RPS6KB2: variants seen among roughly 807,000 people sequenced by gnomAD.
RPS6KB2 encodes ribosomal protein S6 kinase B2.
Under a neutral mutation model 58.2 loss-of-function variants are expected in RPS6KB2, and 51 were observed. The ratio of observed to expected loss-of-function variants is 0.88; its 90% CI spans 0.70 to 1.11. The LOEUF (loss-of-function observed/expected upper bound fraction) is 1.11. Among genes scored for constraint, RPS6KB2 ranks in the 50% least tolerant of loss-of-function variants. RPS6KB2 has a pLI of 0.00. For synonymous variants in RPS6KB2, 293 were observed against 258.6 expected (o/e 1.13, Z -1.28); for missense variants, 671 against 655.8 (o/e 1.02, Z -0.25).
Position 67,434,591 on chromosome 11 carries a change from T to A in RPS6KB2, c.1165T>A (p.Tyr389Asn). Residue 389 changes from tyrosine (Y) to asparagine (N), a missense_variant, in exon 14 of 15, where the codon TAC (tyrosine) becomes AAC (asparagine). Physicochemically the swap from Tyr to Asn is moderately radical, Grantham distance 143 (BLOSUM62 -2). Transcript: ENST00000312629. ...TGCCTCCGCCCCCCAGGGCTTCACA[T>A]ACGTGGCGCCGTCTGTCCTGGACAG... is the stretch of plus-strand genomic sequence containing the variant. Reference protein sequence around the residue: ...SANQAFLGFTYVAPSVLDSIK... With the variant: ...SANQAFLGFTNVAPSVLDSIK... The A allele has an allele frequency of 6.2e-7, 1 of 1,605,774 alleles. No homozygotes were observed. Among genetic ancestry groups the A allele is most frequent in the Middle Eastern group, 1.7e-4 (1 of 6,056 alleles).
rs529912361 is a variant in RPS6KB2, at chr11:67,434,662, G to C, written c.1236G>C (p.Arg412Ser). ...FSFQPKLRSP[R>S]RLNSSPRAPV... ...TCCAGCCCAAGCTGCGCTCACCCAG[G>C]CGCCTCAACAGTAGCCCCCGGGCCC... is the stretch of plus-strand genomic sequence containing the variant. The change falls in exon 14 of 15, where the codon AGG (arginine) becomes AGC (serine). Residue 412 changes from arginine to serine, a missense_variant. Physicochemically the swap from Arg to Ser is moderately radical, Grantham distance 110. Coordinates refer to ENST00000312629, the MANE Select transcript of RPS6KB2 (RefSeq NM_003952.3). 6.2e-7 allele frequency: 1 copy of C among 1,610,512 alleles called. No individual in the cohort carries two copies. The highest frequency in any genetic ancestry group is 1.7e-5 in the Admixed American group (1 of 59,684).
At position 67,432,789 on chromosome 11, in the gene RPS6KB2, A is replaced by G. The variant is rs1309442509; in HGVS notation, c.568A>G (p.Ile190Val). 6.2e-7 allele frequency: 1 copy of G among 1,614,082 alleles called. No individual in the cohort carries two copies. The part of the protein sequence containing the change: ...LALGHLHSQG[I>V]IYRDLKPENI... ...CCTGGGCCATCTCCACTCCCAGGGC[A>G]TCATCTACCGGGACCTCAAGCCCGA... The change falls in exon 7 of 15, where the codon ATC becomes GTC. Residue 190 changes from isoleucine to valine, a missense_variant. Transcript: ENST00000312629.
intron 5 of RPS6KB2, 111 bp downstream of exon 5, chr11:67,431,626 G>C: frequency 8.9e-7 from 1 of 1,117,330 alleles, no homozygotes; most frequent in Non-Finnish European, 1.3e-6. Flanking sequence ...GGGTTGGCTA[G>C]GGGGCCCCCA....
chr11:67,430,353 A>G (rs903456992), intron 4 of RPS6KB2: 2 of 151,498 alleles, frequency 1.3e-5, no homozygotes, highest in Non-Finnish European at 2.9e-5. Flanking sequence ...CAGTGGTGCG[A>G]TCTCGGCTCA....
chr11:67,428,995 T>G lies in RPS6KB2; in HGVS notation c.92T>G (p.Leu31Arg). Residue 31 changes from leucine to arginine, a missense_variant, in exon 2 of 15, where the codon CTT becomes CGT. By Grantham distance (102) the Leu-to-Arg change is moderately radical. Coordinates refer to ENST00000312629, the MANE Select transcript of RPS6KB2 (RefSeq NM_003952.3). ...PELSPADACP[L>R]AELRAAGLEP... Reference sequence around the variant, plus strand: ...GGTTTCTCACAGGACGCATGTCCCCTTGCCGAGTTGAGGGCAGCTGGCCTA... The same window carrying G: ...GGTTTCTCACAGGACGCATGTCCCCGTGCCGAGTTGAGGGCAGCTGGCCTA... The G allele has an allele frequency of 1.2e-6, 2 of 1,614,048 alleles. No homozygotes were observed. The highest frequency in any genetic ancestry group is 4.5e-5 in the East Asian group (2 of 44,878).
chr11:67,433,126 G>A lies in RPS6KB2; in HGVS notation c.708G>A (p.Met236Ile). ...THTFCGTIEY[M>I]APEILVRSGH... ...ACTGACAGTTCCACCTGGACCCCAGGGCCCCTGAGATTCTGGTGCGCAGTG... is the reference window on the plus strand; with the variant it reads ...ACTGACAGTTCCACCTGGACCCCAGAGCCCCTGAGATTCTGGTGCGCAGTG... The change falls in exon 9 of 15, where the codon ATG becomes ATA. Residue 236 changes from methionine to isoleucine, a missense_variant and splice_region_variant. Transcript: ENST00000312629. 6.2e-7 allele frequency: 1 copy of A among 1,604,744 alleles called. No homozygotes were observed. Among genetic ancestry groups the A allele is most frequent in the Non-Finnish European group, 8.5e-7 (1 of 1,176,472 alleles).
At chr11:67,429,391 A>G (rs1052759402) in intron 3 of RPS6KB2, 136 bp from the exon 4 acceptor site, 103 of 1,366,968 alleles carry the variant, frequency 7.5e-5, no homozygotes, top group Admixed American at 2.0e-4. Context: ...ATCCTCTCCA[A>G]TCGGACTTGA....
intron 10 of RPS6KB2, 43 bp from the exon 11 acceptor site, chr11:67,433,946 ACATGAG>A: frequency 6.2e-7 from 1 of 1,606,482 alleles, no homozygotes; most frequent in Non-Finnish European, 8.5e-7. Context: ...ACCCGGGGAC[ACATGAG>A]CAGTACTTGC....
intron 1 of RPS6KB2, 91 bp downstream of exon 1, chr11:67,428,714 G>C: frequency 2.3e-6 from 3 of 1,277,838 alleles, no homozygotes; most frequent in Non-Finnish European, 3.3e-6. Context: ...CCCAGAGCGG[G>C]CTCCGACTCT....
Position 67,431,498 on chromosome 11 carries a change from T to C in RPS6KB2, c.440T>C (p.Ile147Thr). The change falls in exon 5 of 15, where the codon ATC becomes ACC. Residue 147 changes from isoleucine (I) to threonine (T), a missense_variant. Transcript: ENST00000312629. The stretch of plus-strand genomic sequence containing the variant: ...CAGACTGGTGGCAAACTCTACCTCA[T>C]CCTTGAGTGCCTCAGTGGTATGAGT... ...AFQTGGKLYL[I>T]LECLSGGELF... 1 of 1,613,884 alleles carries C rather than the reference T, an allele frequency of 6.2e-7. No homozygotes were observed.
At chr11:67,429,427 G>A (rs1372520480) in intron 3 of RPS6KB2, 100 bp from the exon 4 acceptor site, 1 of 1,384,626 alleles carries the variant, frequency 7.2e-7, no homozygotes, top group Non-Finnish European at 1.0e-6. Flanking sequence ...ACCCTTGGCA[G>A]GGCCTAGGCC....
intron 10 of RPS6KB2, 58 bp downstream of exon 10, chr11:67,433,505 A>G (rs1864120529): frequency 7.4e-7 from 1 of 1,356,226 alleles, no homozygotes; most frequent in African/African-American, 1.4e-5. Flanking sequence ...CGTGTTCCTG[A>G]GTCTCTCTGG....
rs375271576 is a variant in RPS6KB2 at position 67,433,174 on chromosome 11, G to T, written c.756G>T (p.Trp252Cys). 1 of 1,605,478 alleles carries T rather than the reference G, an allele frequency of 6.2e-7. No individual in the cohort carries two copies. The change falls in exon 9 of 15, where the codon TGG (tryptophan) becomes TGT (cysteine). Residue 252 changes from tryptophan (W) to cysteine (C), a missense_variant. Physicochemically the swap from Trp to Cys is radical, Grantham distance 215. Coordinates refer to ENST00000312629, the MANE Select transcript of RPS6KB2 (RefSeq NM_003952.3). ...GTGGCCACAACCGGGCTGTGGACTG[G>T]TGGAGCCTGGGGGCCCTGATGTACG... ...VRSGHNRAVD[W>C]WSLGALMYDM...
chr11:67,431,553 C>G (rs746156989), intron 5 of RPS6KB2, 38 bp downstream of exon 5: 2 of 1,561,466 alleles, frequency 1.3e-6, no homozygotes, highest in Non-Finnish European at 1.7e-6. Flanking sequence ...CTGGGGGTCG[C>G]GGGGGGGCAG....
intron 4 of RPS6KB2, 27 bp from the exon 5 acceptor site, chr11:67,431,341 G>T (rs1351218022): frequency 6.2e-7 from 1 of 1,610,872 alleles, no homozygotes; most frequent in South Asian, 1.1e-5. Context: ...GGATGCCTCA[G>T]TTTCTAACCA....
rs532575118 is a variant in RPS6KB2, at chr11:67,433,419, C to T, written c.878C>T (p.Thr293Ile). 6 of 1,613,596 alleles carry T rather than the reference C, an allele frequency of 3.7e-6. No homozygotes were observed. The highest frequency in any genetic ancestry group is 1.7e-6 in the Non-Finnish European group (2 of 1,179,634). ...RGKLALPPYL[T>I]PDARDLVKKF... is the part of the protein sequence containing the mutation. ...AAGCTGGCACTGCCCCCCTACCTCACCCCAGATGCCCGGGACCTTGTCAAA... is the reference window on the plus strand; with the variant it reads ...AAGCTGGCACTGCCCCCCTACCTCATCCCAGATGCCCGGGACCTTGTCAAA... The change falls in exon 10 of 15, where the codon ACC (threonine) becomes ATC (isoleucine). Residue 293 changes from threonine to isoleucine, a missense_variant. Thr to Ile is a moderately conservative substitution (Grantham distance 89, BLOSUM62 -1). Coordinates refer to ENST00000312629, the MANE Select transcript of RPS6KB2 (RefSeq NM_003952.3).
chr11:67,429,158 C>G lies in RPS6KB2; in HGVS notation c.158C>G (p.Thr53Ser). The G allele has an allele frequency of 6.2e-7, 1 of 1,613,948 alleles. No homozygotes were observed. Among genetic ancestry groups the G allele is most frequent in the Non-Finnish European group, 8.5e-7 (1 of 1,180,032 alleles). Residue 53 changes from threonine to serine, a missense_variant, in exon 3 of 15, where the codon ACC becomes AGC. Thr to Ser is a moderately conservative substitution (Grantham distance 58, BLOSUM62 1). Transcript: ENST00000312629. ...TATGAAGAGGTGGAGCTGACTGAGA[C>G]CAGCGTGAACGTTGGCCCAGAGCGC... ...GHYEEVELTE[T>S]SVNVGPERIG... is the part of the protein sequence containing the mutation.
rs753324269 is a variant in RPS6KB2 at position 67,434,980 on chromosome 11, C to T, written c.1269-9C>T. Reference sequence around the variant, plus strand: ...GGAGGCTCTTATTCTGCCTTGGTTTCCCCTGCAGCCCCCTCAAGTTCTCCC... The same window carrying T: ...GGAGGCTCTTATTCTGCCTTGGTTTTCCCTGCAGCCCCCTCAAGTTCTCCC... On this transcript the variant is annotated splice_polypyrimidine_tract_variant and intron_variant, in intron 14 of 14. Coordinates refer to ENST00000312629, the MANE Select transcript of RPS6KB2 (RefSeq NM_003952.3). 6.2e-7 allele frequency: 1 copy of T among 1,612,888 alleles called. No individual in the cohort carries two copies. The highest frequency in any genetic ancestry group is 8.5e-7 in the Non-Finnish European group (1 of 1,179,266).
At position 67,428,994 on chromosome 11, in the gene RPS6KB2, C is replaced by T. The variant is rs765446490; in HGVS notation, c.91C>T (p.Leu31Phe). ...PELSPADACPLAELRAAGLEP... is the reference protein window; with the variant it reads ...PELSPADACPFAELRAAGLEP... ...CGGTTTCTCACAGGACGCATGTCCC[C>T]TTGCCGAGTTGAGGGCAGCTGGCCT... Residue 31 changes from leucine to phenylalanine, a missense_variant, in exon 2 of 15, where the codon CTT becomes TTT. Transcript: ENST00000312629. 6.2e-7 allele frequency: 1 copy of T among 1,614,044 alleles called. No individual in the cohort carries two copies. Among genetic ancestry groups the T allele is most frequent in the Non-Finnish European group, 8.5e-7 (1 of 1,180,012 alleles).
Sources: allele counts gnomAD v4.1 joint callset, GRCh38; gene constraint gnomAD v4.1.1; transcripts MANE v1.5; gene names NCBI Gene and HGNC (gene_info 2026-07-23, HGNC 2026-07-21).